The following PDE4D variants were observed in gnomAD, a reference collection of about 807,000 sequenced individuals.
PDE4D encodes the protein phosphodiesterase 4D, also known as 3',5'-cyclic-AMP phosphodiesterase 4D.
PDE4D carries 24 observed loss-of-function variants against 87.4 expected under a neutral mutation model. The observed-to-expected ratio is 0.27, with a 90% CI of 0.20 to 0.39. The LOEUF is 0.39. PDE4D is among the 10% of genes least tolerant of loss of function. The pLI, the probability that PDE4D is intolerant of heterozygous loss-of-function variation, is 1.00. For missense variants in PDE4D, 714 were observed against 1,041.0 expected, an observed-to-expected ratio of 0.69 and a Z score of 4.32; for synonymous variants, 384 against 383.2, an observed-to-expected ratio of 1.00 and a Z score of -0.02.
intron 2 of PDE4D, among the ~76,000 whole-genome samples, chr5:60,059,949 C>T (rs1771209876): frequency 6.6e-6 from 1 of 151,974 alleles, no homozygotes. Flanking sequence ...CAAGTCAGAG[C>T]CCAATCAGCT....
At chr5:58,980,685 T>TGAGGGGAAG (rs143435307) in intron 11 of PDE4D, among the ~76,000 whole-genome samples, 2 of 149,002 alleles carry the variant, frequency 1.3e-5, no homozygotes, top group Admixed American at 1.3e-4. Context: ...GCTAATGAAA[T>TGAGGGGAAG]GGGGGGAAGG....
chr5:60,051,253 T>C (rs187810018), intron 2 of PDE4D, among the ~76,000 whole-genome samples: 1 of 152,156 alleles, frequency 6.6e-6, no homozygotes, highest in Admixed American at 6.6e-5. Flanking sequence ...TCTTAGCACC[T>C]TGTCACACTG....
intron 1 of PDE4D, among the ~76,000 whole-genome samples, chr5:59,319,208 T>C (rs1288320922): frequency 1.1e-4 from 17 of 151,630 alleles, no homozygotes; most frequent in Admixed American, 1.1e-3. Flanking sequence ...TCCCAAGACC[T>C]TTCTCCTTCC....
intron 2 of PDE4D, among the ~76,000 whole-genome samples, chr5:60,018,884 G>T (rs1329975073): frequency 6.6e-6 from 1 of 151,974 alleles, no homozygotes; most frequent in Non-Finnish European, 1.5e-5. Flanking sequence ...CAATAACAGT[G>T]GTAGACTTAA....
chr5:59,839,248 GAAAA>G (rs1742610445), intron 1 of PDE4D, among the ~76,000 whole-genome samples: 2 of 151,496 alleles, frequency 1.3e-5, no homozygotes, highest in South Asian at 4.2e-4. Flanking sequence ...CAGGCCTGGG[GAAAA>G]CCCCAGGCCT....
chr5:59,548,559 A>C (rs1239886110), intron 1 of PDE4D, among the ~76,000 whole-genome samples: 1 of 152,184 alleles, frequency 6.6e-6, no homozygotes, highest in Non-Finnish European at 1.5e-5. Flanking sequence ...TTAATTAATA[A>C]ATAAATAAAA....
At chr5:59,729,892 A>C (rs1270282683) in intron 1 of PDE4D, among the ~76,000 whole-genome samples, 1 of 152,102 alleles carries the variant, frequency 6.6e-6, no homozygotes, top group African/African-American at 2.4e-5. Context: ...CCAAGTCAAA[A>C]GTCAGACACC....
intron 1 of PDE4D, among the ~76,000 whole-genome samples, chr5:60,413,189 C>T (rs1430104497): frequency 6.6e-6 from 1 of 152,190 alleles, no homozygotes; most frequent in Non-Finnish European, 1.5e-5. Context: ...TATATTCCTA[C>T]TGACTACTGT....
At chr5:59,271,947 C>G (rs1763916182) in intron 1 of PDE4D, among the ~76,000 whole-genome samples, 1 of 151,504 alleles carries the variant, frequency 6.6e-6, no homozygotes, top group Non-Finnish European at 1.5e-5. Flanking sequence ...TAACCACTAC[C>G]AAAAGCTTGG....
chr5:60,178,817 A>G (rs1366249539), intron 2 of PDE4D, among the ~76,000 whole-genome samples: 2 of 152,164 alleles, frequency 1.3e-5, no homozygotes, highest in African/African-American at 4.8e-5. Flanking sequence ...TTTCATAAGC[A>G]AGATCCTCTG....
chr5:59,979,152 G>T (rs1287233888), intron 3 of PDE4D, among the ~76,000 whole-genome samples: 2 of 151,966 alleles, frequency 1.3e-5, no homozygotes, highest in African/African-American at 4.8e-5. Flanking sequence ...AAGTTAGTCT[G>T]AATTAAATAA....
intron 1 of PDE4D, among the ~76,000 whole-genome samples, chr5:60,192,713 GA>G (rs1242819164): frequency 1.3e-5 from 2 of 152,154 alleles, no homozygotes; most frequent in Non-Finnish European, 2.9e-5. Context: ...AGAAAAGACT[GA>G]AAAAGTTAGC....
At chr5:60,069,461 T>A (rs1422346186) in intron 2 of PDE4D, among the ~76,000 whole-genome samples, 1 of 152,162 alleles carries the variant, frequency 6.6e-6, no homozygotes. Context: ...GTTTATGGTA[T>A]TTTATTATAG....
intron 1 of PDE4D, among the ~76,000 whole-genome samples, chr5:59,859,367 T>C (rs774768105): frequency 6.6e-6 from 1 of 152,188 alleles, no homozygotes; most frequent in Non-Finnish European, 1.5e-5. Context: ...CTAATGGTCA[T>C]ACTTCACCAT....
intron 1 of PDE4D, among the ~76,000 whole-genome samples, chr5:60,243,504 A>G (rs66940012): frequency 0.015 from 2,326 of 152,004 alleles, 23 homozygotes; most frequent in African/African-American, 0.033. Context: ...ACAAAGACAC[A>G]TCAAGAAAAG....
At chr5:59,306,065 G>A (rs988577910) in intron 1 of PDE4D, among the ~76,000 whole-genome samples, 1 of 151,908 alleles carries the variant, frequency 6.6e-6, no homozygotes, top group Non-Finnish European at 1.5e-5. Context: ...TAAATTTGGG[G>A]GCTCCATTGT....
chr5:60,085,743 C>T (rs1272606901), intron 2 of PDE4D, among the ~76,000 whole-genome samples: 1 of 152,128 alleles, frequency 6.6e-6, no homozygotes, highest in Non-Finnish European at 1.5e-5. Context: ...AACTAATAAA[C>T]TTTCATCATT....
At chr5:60,169,934 G>A (rs545393381) in intron 2 of PDE4D, among the ~76,000 whole-genome samples, 2 of 151,430 alleles carry the variant, frequency 1.3e-5, no homozygotes, top group East Asian at 3.9e-4. Flanking sequence ...TTGCATTATC[G>A]ACATGAAAAG....
At chr5:59,002,199 T>C in intron 6 of PDE4D, 1 of 353,478 alleles carries the variant, frequency 2.8e-6, no homozygotes. Context: ...TTTTCCCAGG[T>C]TCACTCTGGT....
Sources: allele counts gnomAD v4.1 joint callset (sites outside exome capture counted in the v4.1 genomes callset), GRCh38; gene constraint gnomAD v4.1.1; transcripts MANE v1.5; gene names NCBI Gene and HGNC (gene_info 2026-07-23, HGNC 2026-07-21).